The following MACROD2 variants were observed in gnomAD, a reference collection of about 807,000 sequenced individuals.
MACROD2 encodes the protein mono-ADP ribosylhydrolase 2, also known as ADP-ribose glycohydrolase MACROD2.
MACROD2 carries 36 observed loss-of-function variants against 70.4 expected under a neutral mutation model. The ratio of observed to expected loss-of-function variants is 0.51; its 90% CI spans 0.39 to 0.68. MACROD2 has a LOEUF of 0.68. MACROD2 is among the 30% of genes least tolerant of loss of function. MACROD2 has a pLI of 0.00. For synonymous variants in MACROD2, 172 were observed against 178.8 expected (o/e 0.96, Z 0.30); for missense variants, 496 against 538.4 (o/e 0.92, Z 0.78).
At chr20:15,202,006 C>T (rs1342674770) in intron 5 of MACROD2, among the ~76,000 whole-genome samples, 1 of 152,040 alleles carries the variant, frequency 6.6e-6, no homozygotes, top group East Asian at 1.9e-4. Context: ...GGATCTAGGG[C>T]AGTATTATTT....
At chr20:14,196,896 C>A (rs2081437193) in intron 3 of MACROD2, among the ~76,000 whole-genome samples, 1 of 152,232 alleles carries the variant, frequency 6.6e-6, no homozygotes, top group Non-Finnish European at 1.5e-5. Context: ...GTTCATGGGT[C>A]CTAGGAAATG....
At chr20:14,828,779 A>G (rs191807589) in intron 5 of MACROD2, among the ~76,000 whole-genome samples, 18 of 152,160 alleles carry the variant, frequency 1.2e-4, no homozygotes, top group Admixed American at 9.8e-4. Flanking sequence ...AATAACTATT[A>G]ACCATTGCAT....
intron 15 of MACROD2, among the ~76,000 whole-genome samples, chr20:15,992,384 C>T (rs951820777): frequency 8.5e-5 from 13 of 152,148 alleles, no homozygotes; most frequent in Admixed American, 2.0e-4. Flanking sequence ...TAATCTCAGG[C>T]TCCAAGCTCC....
chr20:15,057,975 C>T (rs2075500327), intron 5 of MACROD2, among the ~76,000 whole-genome samples: 1 of 152,130 alleles, frequency 6.6e-6, no homozygotes, highest in African/African-American at 2.4e-5. Flanking sequence ...TACCCTGTCG[C>T]TTGGCAGACA....
chr20:14,370,029 T>TA (rs1398745618), intron 3 of MACROD2, among the ~76,000 whole-genome samples: 3 of 152,200 alleles, frequency 2.0e-5, no homozygotes, highest in Non-Finnish European at 4.4e-5. Context: ...TTTCGTTGAA[T>TA]ATTCTTTATA....
At chr20:15,061,097 T>G (rs1171601125) in intron 5 of MACROD2, among the ~76,000 whole-genome samples, 1 of 152,188 alleles carries the variant, frequency 6.6e-6, no homozygotes, top group Non-Finnish European at 1.5e-5. Context: ...GCATGTATTT[T>G]AAAAGGCCCT....
At chr20:14,837,298 G>A (rs1026391168) in intron 5 of MACROD2, among the ~76,000 whole-genome samples, 1 of 151,884 alleles carries the variant, frequency 6.6e-6, no homozygotes, top group African/African-American at 2.4e-5. Flanking sequence ...GAACATTTTT[G>A]GTTGTCTAAC....
chr20:14,431,981 C>G (rs183140024), intron 3 of MACROD2, among the ~76,000 whole-genome samples: 36 of 152,280 alleles, frequency 2.4e-4, no homozygotes, highest in Non-Finnish European at 5.0e-4. Flanking sequence ...AGGCACAAAT[C>G]CAGCCATGCT....
chr20:15,073,271 A>AC (rs2075632666), intron 5 of MACROD2, among the ~76,000 whole-genome samples: 1 of 152,170 alleles, frequency 6.6e-6, no homozygotes, highest in Non-Finnish European at 1.5e-5. Context: ...TATGTCTCCA[A>AC]CTACTATCAA....
chr20:14,841,324 G>A (rs1191990315), intron 5 of MACROD2, among the ~76,000 whole-genome samples: 1 of 152,176 alleles, frequency 6.6e-6, no homozygotes, highest in African/African-American at 2.4e-5. Context: ...AATGTAGATT[G>A]AGTGAATGAA....
intron 3 of MACROD2, among the ~76,000 whole-genome samples, chr20:14,222,813 G>GA (rs199573606): frequency 2.0e-4 from 27 of 132,944 alleles, no homozygotes; most frequent in African/African-American, 6.6e-4. Context: ...TTGGATTTCT[G>GA]AAAAAAAAAA....
At chr20:15,090,515 G>A (rs2075785219) in intron 5 of MACROD2, among the ~76,000 whole-genome samples, 1 of 152,000 alleles carries the variant, frequency 6.6e-6, no homozygotes, top group South Asian at 2.1e-4. Flanking sequence ...CTATTTATGA[G>A]CCACATAAAT....
chr20:14,308,690 G>T (rs952167318), intron 3 of MACROD2, among the ~76,000 whole-genome samples: 11 of 152,230 alleles, frequency 7.2e-5, no homozygotes, highest in African/African-American at 2.6e-4. Context: ...AGGCCACCTA[G>T]ATCTCTGCCA....
chr20:14,028,007 G>A (rs956815242), intron 2 of MACROD2, among the ~76,000 whole-genome samples: 3 of 152,118 alleles, frequency 2.0e-5, no homozygotes, highest in Admixed American at 1.3e-4. Context: ...CTGAAGCTGC[G>A]CTCACAGCCG....
intron 5 of MACROD2, among the ~76,000 whole-genome samples, chr20:14,794,706 C>G (rs185449386): frequency 6.6e-6 from 1 of 152,166 alleles, no homozygotes; most frequent in African/African-American, 2.4e-5. Context: ...GTTTGTAGAG[C>G]ATTTTAATTA....
At chr20:15,971,112 A>T (rs2066223939) in intron 13 of MACROD2, among the ~76,000 whole-genome samples, 1 of 152,194 alleles carries the variant, frequency 6.6e-6, no homozygotes, top group African/African-American at 2.4e-5. Flanking sequence ...TGCATCTTTC[A>T]TATTTCTGCA....
intron 2 of MACROD2, among the ~76,000 whole-genome samples, chr20:14,011,045 G>A (rs1337762354): frequency 6.6e-6 from 1 of 152,112 alleles, no homozygotes; most frequent in Non-Finnish European, 1.5e-5. Flanking sequence ...ATAGAATACT[G>A]TGTGTAGTGC....
intron 8 of MACROD2, among the ~76,000 whole-genome samples, chr20:15,546,858 C>CA (rs1181366393): frequency 6.6e-6 from 1 of 152,200 alleles, no homozygotes; most frequent in Admixed American, 6.5e-5. Flanking sequence ...TTTTCATACT[C>CA]ACTTGGGTGC....
intron 12 of MACROD2, among the ~76,000 whole-genome samples, chr20:15,966,944 T>C (rs995311557): frequency 1.6e-4 from 24 of 152,260 alleles, no homozygotes; most frequent in African/African-American, 5.3e-4. Context: ...ATGTTAAACA[T>C]GGATATGTTT....
Sources: gnomAD v4.1 joint callset for allele counts (sites outside exome capture counted in the v4.1 genomes callset) on GRCh38, gnomAD v4.1.1 for gene constraint, MANE v1.5 for transcripts, NCBI Gene and HGNC (gene_info 2026-07-23, HGNC 2026-07-21) for gene names.